The following NLRC5 variants were observed in gnomAD, a reference collection of about 807,000 sequenced individuals.
The protein encoded by NLRC5 is protein NLRC5.
A neutral mutation model predicts 206.9 loss-of-function variants in NLRC5; 114 were observed. The ratio of observed to expected loss-of-function variants is 0.55; its 90% CI spans 0.47 to 0.64. NLRC5 has a LOEUF of 0.64. Ranked by LOEUF, NLRC5 falls within the 30% of genes least tolerant of loss-of-function variation. The probability of loss-of-function intolerance (pLI) is 0.00; values close to 1 mark genes in which losing one functional copy is unlikely to be tolerated. For synonymous variants in NLRC5, 952 were observed against 962.8 expected (o/e 0.99, Z 0.21); for missense variants, 2,008 against 2,305.5 (o/e 0.87, Z 2.64).
intron 1 of NLRC5, among the ~76,000 whole-genome samples, chr16:56,994,011 G>T (rs2057291422): frequency 1.3e-5 from 2 of 150,108 alleles, no homozygotes; most frequent in African/African-American, 4.9e-5. Context: ...TCTTCCAATA[G>T]TTCTCACCAT....
At chr16:57,040,211 C>T (rs193227306) in intron 16 of NLRC5, among the ~76,000 whole-genome samples, 112 of 152,306 alleles carry the variant, frequency 7.4e-4, no homozygotes, top group African/African-American at 2.5e-3. Flanking sequence ...ATCCCTTTCA[C>T]ACAAGGACCC....
chr16:57,039,362 T>C (rs2062995188), intron 15 of NLRC5, among the ~76,000 whole-genome samples: 2 of 151,356 alleles, frequency 1.3e-5, no homozygotes, highest in Non-Finnish European at 2.9e-5. Context: ...CAGAGGGGAG[T>C]CAGAGGAAGT....
At chr16:57,018,224 G>A (rs767835095) in intron 2 of NLRC5, among the ~76,000 whole-genome samples, 5 of 150,728 alleles carry the variant, frequency 3.3e-5, no homozygotes, top group Non-Finnish European at 7.4e-5. Flanking sequence ...TTATGCCCTA[G>A]GCTATGGCCA....
At position 57,020,992 on chromosome 16, in the gene NLRC5, T is replaced by G; in HGVS notation, c.280T>G (p.Phe94Val). The change falls in exon 3 of 49, where the codon TTT becomes GTT. Residue 94 changes from phenylalanine (F) to valine (V), a missense_variant. By Grantham distance (50) the Phe-to-Val change is conservative (BLOSUM62 -1). Transcript: ENST00000688547. Reference protein sequence around the residue: ...LDLEVLLLSTFGYDDGFTSQL... With the variant: ...LDLEVLLLSTVGYDDGFTSQL... ...CCTGGAGGTGCTGCTGCTGAGTACTTTTGGCTATGATGATGGTAAGGGCAG... is the reference window on the plus strand; with the variant it reads ...CCTGGAGGTGCTGCTGCTGAGTACTGTTGGCTATGATGATGGTAAGGGCAG... 1 of 1,613,486 alleles carries G rather than the reference T, an allele frequency of 6.2e-7. No homozygotes were observed. Among genetic ancestry groups the G allele is most frequent in the Non-Finnish European group, 8.5e-7 (1 of 1,179,576 alleles).
intron 1 of NLRC5, among the ~76,000 whole-genome samples, chr16:56,995,117 T>A (rs1301159870): frequency 6.6e-6 from 1 of 152,128 alleles, no homozygotes; most frequent in Non-Finnish European, 1.5e-5. Flanking sequence ...GAGGTTGTAG[T>A]GAGTTGAGAT....
chr16:57,064,324 T>C lies in NLRC5; in HGVS notation c.4155-888T>C, dbSNP rs190152429. 4.4e-3 allele frequency among the ~76,000 whole-genome samples: 672 copies of C among 152,340 alleles called. 5 individuals are homozygous for C. Among genetic ancestry groups the C allele is most frequent in the Non-Finnish European group, 7.6e-3 (514 of 68,034 alleles). Reference sequence around the variant, plus strand: ...TAACTTTAAAGCAGTAATATTTGACTTAATTCTCTTTTTTCCTACTTTCAA... The same window carrying C: ...TAACTTTAAAGCAGTAATATTTGACCTAATTCTCTTTTTTCCTACTTTCAA... On this transcript the variant is annotated intron_variant, in intron 32 of 48. Coordinates refer to ENST00000688547, the MANE Select transcript of NLRC5 (RefSeq NM_001384950.1).
At chr16:57,074,221 G>A (rs1225401727) in intron 38 of NLRC5, 2 of 176,612 alleles carry the variant, frequency 1.1e-5, no homozygotes, top group Admixed American at 1.1e-4. Flanking sequence ...CCTTAAGCAA[G>A]TTCTCTAACT....
At position 57,026,209 on chromosome 16, in the gene NLRC5, C is replaced by T. The variant is rs143613942; in HGVS notation, c.1266C>T (p.Asp422=). ...ACLCLHHLLP[D]HAPGQSVALL... ...TCTGCCTCCACCATCTGCTTCCTGA[C>T]CACGCCCCAGGCCAGTCTGTGGCCC... Residue 422 remains aspartate, a synonymous_variant, in exon 6 of 49, where the codon GAC becomes GAT. Transcript: ENST00000688547. 8 of 1,613,650 alleles carry T rather than the reference C, an allele frequency of 5.0e-6. No individual in the cohort carries two copies. The African/African-American group carries it at 1.1e-4, about 22-fold the overall frequency.
intron 39 of NLRC5, 61 bp downstream of exon 39, chr16:57,074,744 A>G (rs567171503): frequency 2.6e-6 from 4 of 1,525,002 alleles, no homozygotes; most frequent in Non-Finnish European, 3.6e-6. Flanking sequence ...CTCAGTTGGG[A>G]CCACATCCAG....
chr16:57,075,312 C>T (rs909603672), intron 39 of NLRC5, among the ~76,000 whole-genome samples: 5 of 152,236 alleles, frequency 3.3e-5, no homozygotes, highest in Admixed American at 1.3e-4. Flanking sequence ...CTCCGCCTCC[C>T]GGGTTCAAGC....
At chr16:57,067,689 G>C in intron 35 of NLRC5, 47 bp from the exon 36 acceptor site, 1 of 1,567,426 alleles carries the variant, frequency 6.4e-7, no homozygotes, top group Non-Finnish European at 8.8e-7. Flanking sequence ...TGACCTCTGA[G>C]GTGTGTCCAG....
chr16:57,067,248 A>T, intron 34 of NLRC5, 139 bp from the exon 35 acceptor site: 1 of 737,488 alleles, frequency 1.4e-6, no homozygotes, highest in Non-Finnish European at 2.4e-6. Flanking sequence ...AGCACTTCTC[A>T]TAAGTGAATA....
chr16:57,044,171 C>T (rs1250803054), intron 20 of NLRC5, among the ~76,000 whole-genome samples: 3 of 148,064 alleles, frequency 2.0e-5, no homozygotes, highest in Non-Finnish European at 4.5e-5. Context: ...AGTATCTGGG[C>T]GTGGTTGTGA....
chr16:57,069,871 C>T lies in NLRC5; in HGVS notation c.4535C>T (p.Ala1512Val). The change falls in exon 37 of 49, where the codon GCC becomes GTC. Residue 1512 changes from alanine (A) to valine (V), a missense_variant. Ala to Val is a moderately conservative substitution (Grantham distance 64). Transcript: ENST00000688547. Reference sequence around the variant, plus strand: ...AGCTGTGTGAGCACCGAGGGCCTCGCCCACCTGGCATCTGGTCTGGGCCAC... The same window carrying T: ...AGCTGTGTGAGCACCGAGGGCCTCGTCCACCTGGCATCTGGTCTGGGCCAC... ...TSSCVSTEGL[A>V]HLASGLGHCH... 6.2e-7 allele frequency: 1 copy of T among 1,601,442 alleles called. No individual in the cohort carries two copies. Among genetic ancestry groups the T allele is most frequent in the South Asian group, 1.1e-5 (1 of 88,786 alleles).
chr16:57,061,303 A>AT (rs2144669918), intron 30 of NLRC5, 145 bp from the exon 31 acceptor site: 1 of 673,308 alleles, frequency 1.5e-6, no homozygotes, highest in African/African-American at 1.8e-5. Context: ...CAGGAGCTGC[A>AT]TATTTGGCCT....
rs765578322 is a variant in NLRC5, at chr16:57,022,335, G to C, written c.355+20G>C. The C allele has an allele frequency of 4.4e-6, 7 of 1,601,798 alleles. No individual in the cohort carries two copies. Among genetic ancestry groups the C allele is most frequent in the Non-Finnish European group, 6.0e-6 (7 of 1,169,910 alleles). ...ACCATGGTGAGGACTGGAGTTGGGGGGTGGGAAGGGGGTGGTGAGCACTGT... is the reference window on the plus strand; with the variant it reads ...ACCATGGTGAGGACTGGAGTTGGGGCGTGGGAAGGGGGTGGTGAGCACTGT... On this transcript the variant is annotated intron_variant, in intron 4 of 48. Transcript: ENST00000688547.
intron 1 of NLRC5, among the ~76,000 whole-genome samples, chr16:56,995,109 G>A (rs569932764): frequency 1.3e-5 from 2 of 152,324 alleles, no homozygotes; most frequent in Non-Finnish European, 2.9e-5. Context: ...GAGAGGTGGA[G>A]GTTGTAGTGA....
In NLRC5 at chr16:57,046,781, G is replaced by A. The variant is rs2064035232; in HGVS notation, c.3338+140G>A. 4.2e-6 allele frequency: 3 copies of A among 710,548 alleles called. No individual in the cohort carries two copies. In the Admixed American group the frequency reaches 9.0e-5, roughly 21 times the overall value. 44.0% of individuals were successfully genotyped at this position (710,548 alleles called of 1,614,324 possible). A position where few individuals can be genotyped will look rare whatever the true frequency, so the allele number is the denominator to read the frequency against. ...TTTAAGAGAAAAGGAAAAGAAAGAG[G>A]CGTGGGTGTGAGGGGTGCTGGGAGT... On this transcript the variant is annotated intron_variant, in intron 22 of 48. Transcript: ENST00000688547.
At chr16:57,042,134 T>A (rs1467732833) in intron 19 of NLRC5, 69 bp downstream of exon 19, 11 of 998,794 alleles carry the variant, frequency 1.1e-5, no homozygotes, top group Non-Finnish European at 1.3e-5. Context: ...CCCATCCCCC[T>A]CTTTCCTGGG....
Sources: gnomAD v4.1 joint callset for allele counts (sites outside exome capture counted in the v4.1 genomes callset) on GRCh38, gnomAD v4.1.1 for gene constraint, MANE v1.5 for transcripts, NCBI Gene and HGNC (gene_info 2026-07-23, HGNC 2026-07-21) for gene names.